The following SHANK2 variants were observed in gnomAD, a reference collection of about 807,000 sequenced individuals.
The protein encoded by SHANK2 is SH3 and multiple ankyrin repeat domains protein 2.
In SHANK2, 43 loss-of-function variants were observed where a neutral mutation model predicts 133.7. The observed-to-expected ratio is 0.32, with a 90% CI of 0.25 to 0.41. The LOEUF is 0.41. Ranked by LOEUF, SHANK2 falls within the 10% of genes least tolerant of loss-of-function variation. The probability of loss-of-function intolerance (pLI) is 1.00; values close to 1 mark genes in which losing one functional copy is unlikely to be tolerated. For synonymous variants in SHANK2, 1,017 were observed against 952.8 expected, an observed-to-expected ratio of 1.07 and a Z score of -1.24; for missense variants, 1,994 against 2,235.8, an observed-to-expected ratio of 0.89 and a Z score of 2.18.
intron 2 of SHANK2, among the ~76,000 whole-genome samples, chr11:71,148,996 A>G (rs554024708): frequency 7.3e-5 from 10 of 137,808 alleles, no homozygotes; most frequent in Admixed American, 6.9e-4. Context: ...GCTTGGAGCC[A>G]TGAACTTCCT....
At chr11:70,899,065 A>C (rs1949985588) in intron 10 of SHANK2, among the ~76,000 whole-genome samples, 1 of 152,210 alleles carries the variant, frequency 6.6e-6, no homozygotes, top group Non-Finnish European at 1.5e-5. Flanking sequence ...CCTTGGTTTC[A>C]ACAGTTAGAT....
chr11:70,727,626 G>C (rs2134701203), intron 14 of SHANK2, among the ~76,000 whole-genome samples: 1 of 152,322 alleles, frequency 6.6e-6, no homozygotes, highest in East Asian at 1.9e-4. Flanking sequence ...GTGGGTAAAT[G>C]GATGCTGCTA....
intron 17 of SHANK2, among the ~76,000 whole-genome samples, chr11:70,527,595 G>A (rs933853505): frequency 2.0e-5 from 3 of 152,210 alleles, no homozygotes; most frequent in Admixed American, 6.5e-5. Context: ...CAGCCAGCTC[G>A]GGTCTGAGAG....
intron 14 of SHANK2, among the ~76,000 whole-genome samples, chr11:70,775,584 AC>A (rs1947345966): frequency 6.6e-6 from 1 of 152,200 alleles, no homozygotes; most frequent in Non-Finnish European, 1.5e-5. Context: ...TGCCCAATCC[AC>A]CACTCGCGGC....
At chr11:71,215,720 G>A (rs535001490) in intron 2 of SHANK2, among the ~76,000 whole-genome samples, 13 of 152,294 alleles carry the variant, frequency 8.5e-5, no homozygotes, top group African/African-American at 2.4e-4. Flanking sequence ...CACTGCAGGC[G>A]TGCCAGCTCA....
intron 10 of SHANK2, among the ~76,000 whole-genome samples, chr11:70,918,923 A>C (rs1950308431): frequency 1.3e-5 from 2 of 152,270 alleles, no homozygotes; most frequent in Middle Eastern, 3.4e-3. Context: ...CAGCACTTTG[A>C]GAGGCCAAGG....
chr11:70,625,613 G>A (rs1554999657), intron 17 of SHANK2, among the ~76,000 whole-genome samples: 1 of 151,892 alleles, frequency 6.6e-6, no homozygotes, highest in Admixed American at 6.5e-5. Flanking sequence ...CTCCATTTTA[G>A]ATCAGAAAAC....
intron 10 of SHANK2, among the ~76,000 whole-genome samples, chr11:70,939,753 T>A (rs1950619462): frequency 1.3e-5 from 2 of 152,060 alleles, no homozygotes; most frequent in Admixed American, 1.3e-4. Context: ...GGCTCCTCTC[T>A]TTAGAGGTAG....
chr11:70,805,381 G>A (rs1212046087), intron 13 of SHANK2, among the ~76,000 whole-genome samples: 2 of 152,200 alleles, frequency 1.3e-5, no homozygotes, highest in African/African-American at 4.8e-5. Flanking sequence ...TGTGCAGACC[G>A]GTCAGAAAAC....
intron 15 of SHANK2, among the ~76,000 whole-genome samples, chr11:70,682,628 A>G (rs1555018629): frequency 6.6e-6 from 1 of 152,162 alleles, no homozygotes; most frequent in East Asian, 1.9e-4. Flanking sequence ...TGTTTTCTAA[A>G]ACAGACAATG....
Position 70,751,965 on chromosome 11 carries a change from G to A in SHANK2, c.1777+46478C>T, listed in dbSNP as rs554167448. On this transcript the variant is annotated intron_variant, in intron 14 of 25. Coordinates refer to ENST00000601538, the MANE Select transcript of SHANK2 (RefSeq NM_012309.5). ...TCGGGAAAGAAAAATAGAGAATAAC[G>A]TGCAAAGGAAACAAATAGAAAATAA... 2.6e-4 allele frequency among the ~76,000 whole-genome samples: 40 copies of A among 152,044 alleles called. No homozygotes were observed. In the Middle Eastern group the frequency reaches 0.01, roughly 39 times the overall value.
At chr11:70,583,004 C>G (rs1483545749) in intron 17 of SHANK2, among the ~76,000 whole-genome samples, 3 of 152,184 alleles carry the variant, frequency 2.0e-5, no homozygotes, top group African/African-American at 7.2e-5. Flanking sequence ...GGCCAGGGTG[C>G]TGCCCTGTGG....
At chr11:70,624,303 G>A in intron 17 of SHANK2, among the ~76,000 whole-genome samples, 1 of 152,026 alleles carries the variant, frequency 6.6e-6, no homozygotes, top group East Asian at 1.9e-4. Context: ...GAGGAGGTGG[G>A]AATGGAGCAA....
intron 17 of SHANK2, among the ~76,000 whole-genome samples, chr11:70,558,054 G>A (rs959012520): frequency 1.8e-4 from 27 of 152,240 alleles, no homozygotes; most frequent in African/African-American, 5.8e-4. Context: ...GAGAGGAGGC[G>A]AGACCGTGAG....
chr11:71,073,289 G>T (rs1326780491), intron 9 of SHANK2, among the ~76,000 whole-genome samples: 1 of 151,280 alleles, frequency 6.6e-6, no homozygotes, highest in Non-Finnish European at 1.5e-5. Context: ...CTCCCGAGTC[G>T]CTGGGATTAC....
At chr11:71,235,537 T>C (rs1555123605) in intron 1 of SHANK2, among the ~76,000 whole-genome samples, 1 of 149,584 alleles carries the variant, frequency 6.7e-6, no homozygotes, top group Admixed American at 6.7e-5. Flanking sequence ...GAGGTTGCAG[T>C]GAGCCAAGAC....
chr11:71,166,903 G>T lies in SHANK2; in HGVS notation c.-12-19565C>A, dbSNP rs1202086935. Among the ~76,000 whole-genome samples the T allele has an allele frequency of 2.1e-5, 3 of 140,098 alleles. 1 individual carries two copies. Among genetic ancestry groups the T allele is most frequent in the Admixed American group, 1.4e-4 (2 of 14,108 alleles). 91.9% of individuals were successfully genotyped at this position (140,098 alleles called of 152,430 possible). A position where few individuals can be genotyped will look rare whatever the true frequency, so the allele number is the denominator to read the frequency against. ...TCAACAGATAAACAAGTGAACAAAG[G>T]TCTCTGGTTTTCCTAGGCAGAGGAC... On this transcript the variant is annotated intron_variant, in intron 2 of 25. Transcript: ENST00000601538.
chr11:71,105,906 G>T (rs782328812), intron 6 of SHANK2, among the ~76,000 whole-genome samples: 4 of 152,112 alleles, frequency 2.6e-5, no homozygotes, highest in Non-Finnish European at 5.9e-5. Context: ...TCACTGTTGG[G>T]TACAGCACCA....
At chr11:70,508,254 C>G (rs901106514) in intron 17 of SHANK2, among the ~76,000 whole-genome samples, 14 of 152,220 alleles carry the variant, frequency 9.2e-5, no homozygotes, top group Admixed American at 9.2e-4. Context: ...TCCCCCTCAG[C>G]TGAGCACAGA....
Sources: gnomAD v4.1 joint callset for allele counts (sites outside exome capture counted in the v4.1 genomes callset) on GRCh38, gnomAD v4.1.1 for gene constraint, MANE v1.5 for transcripts, NCBI Gene and HGNC (gene_info 2026-07-23, HGNC 2026-07-21) for gene names.